The following NEGR1 variants were observed in gnomAD, a reference collection of about 807,000 sequenced individuals.
NEGR1 encodes neuronal growth regulator 1.
NEGR1 carries 10 observed loss-of-function variants against 40.9 expected under a neutral mutation model. The observed-to-expected ratio is 0.24, with a 90% CI of 0.15 to 0.42. The LOEUF (loss-of-function observed/expected upper bound fraction) is 0.42. NEGR1 is among the 10% of genes least tolerant of loss of function. The pLI, the probability that NEGR1 is intolerant of heterozygous loss-of-function variation, is 1.00. For missense variants in NEGR1, 352 were observed against 438.9 expected, an observed-to-expected ratio of 0.80 and a Z score of 1.77; for synonymous variants, 185 against 166.8, an observed-to-expected ratio of 1.11 and a Z score of -0.84.
rs927482949 is a variant in NEGR1, at chr1:71,988,468, A to G, written c.177-53157T>C. On this transcript the variant is annotated intron_variant, in intron 1 of 6. Transcript: ENST00000357731. ...GCAGGAGAATGGCGTGAACCCGGGA[A>G]GCGGAGCTTGCAGTGAGCCGAGATT... is the stretch of plus-strand genomic sequence containing the variant. Among the ~76,000 whole-genome samples the G allele has an allele frequency of 1.2e-3, 174 of 142,136 alleles. 1 individual carries two copies. The highest frequency in any genetic ancestry group is 3.4e-3 in the South Asian group (14 of 4,146). The allele number at this position is 142,136 out of a possible 152,430, so 93.2% of individuals were successfully genotyped here. A position where few individuals can be genotyped will look rare whatever the true frequency, so the allele number is the denominator to read the frequency against.
At chr1:71,720,884 T>C (rs1465242229) in intron 3 of NEGR1, among the ~76,000 whole-genome samples, 1 of 152,236 alleles carries the variant, frequency 6.6e-6, no homozygotes, top group South Asian at 2.1e-4. Context: ...CTACAGAAAA[T>C]CAACAGTTAA....
chr1:72,151,481 T>C (rs889506913), intron 1 of NEGR1, among the ~76,000 whole-genome samples: 25 of 151,604 alleles, frequency 1.6e-4, no homozygotes, highest in Admixed American at 1.6e-3. Flanking sequence ...AAATTATGTA[T>C]AGCGACACCC....
At chr1:72,072,244 C>T (rs1369909656) in intron 1 of NEGR1, among the ~76,000 whole-genome samples, 1 of 152,062 alleles carries the variant, frequency 6.6e-6, no homozygotes, top group African/African-American at 2.4e-5. Flanking sequence ...CTTTAAAATA[C>T]TGTGCTGTAA....
chr1:71,585,751 A>G (rs1649285709), intron 6 of NEGR1, among the ~76,000 whole-genome samples: 1 of 144,636 alleles, frequency 6.9e-6, no homozygotes, highest in Non-Finnish European at 1.5e-5. Context: ...GGCTGATTTA[A>G]TTAATAATTG....
chr1:71,442,545 C>T (rs969951201), intron 6 of NEGR1, among the ~76,000 whole-genome samples: 12 of 151,968 alleles, frequency 7.9e-5, no homozygotes, highest in Admixed American at 6.6e-4. Context: ...ACCTGGATGG[C>T]GGAAATTGCA....
intron 6 of NEGR1, among the ~76,000 whole-genome samples, chr1:71,536,194 C>T (rs1017766932): frequency 6.6e-6 from 1 of 151,618 alleles, no homozygotes; most frequent in Non-Finnish European, 1.5e-5. Flanking sequence ...CCAATTATAA[C>T]ATGGTGAATA....
intron 1 of NEGR1, among the ~76,000 whole-genome samples, chr1:72,197,428 T>G (rs1263715341): frequency 6.6e-6 from 1 of 152,022 alleles, no homozygotes; most frequent in Admixed American, 6.6e-5. Flanking sequence ...TTTGCAAAAA[T>G]AACTGTTTTA....
intron 6 of NEGR1, among the ~76,000 whole-genome samples, chr1:71,436,838 G>T (rs1221594167): frequency 6.6e-6 from 1 of 152,024 alleles, no homozygotes; most frequent in African/African-American, 2.4e-5. Flanking sequence ...ATTTTCTCTA[G>T]TTTATTGGAT....
At chr1:72,034,333 C>A (rs1646884384) in intron 1 of NEGR1, among the ~76,000 whole-genome samples, 1 of 152,072 alleles carries the variant, frequency 6.6e-6, no homozygotes, top group Admixed American at 6.5e-5. Flanking sequence ...GTGTGATCAC[C>A]CACTGTGGAA....
At chr1:71,778,325 T>C (rs944610905) in intron 2 of NEGR1, among the ~76,000 whole-genome samples, 77 of 152,190 alleles carry the variant, frequency 5.1e-4, no homozygotes, top group African/African-American at 1.8e-3. Context: ...AACAATTATG[T>C]TTTCATTTTC....
intron 2 of NEGR1, among the ~76,000 whole-genome samples, chr1:71,834,142 A>G (rs1363118944): frequency 6.6e-6 from 1 of 152,104 alleles, no homozygotes; most frequent in Non-Finnish European, 1.5e-5. Context: ...TGATACTGGT[A>G]TTTGATTCAT....
Position 71,878,928 on chromosome 1 carries a change from A to C in NEGR1, c.409+56151T>G, listed in dbSNP as rs1203177008. 2.0e-5 allele frequency among the ~76,000 whole-genome samples: 3 copies of C among 152,130 alleles called. No homozygotes were observed. The South Asian group carries it at 6.2e-4, about 31-fold the overall frequency. On this transcript the variant is annotated intron_variant, in intron 2 of 6. Transcript: ENST00000357731. ...ACAAAGCTGAAAGCTTAAAAATAGC[A>C]ACAAGGACCAGCCTGACCAACATAG... is the stretch of plus-strand genomic sequence containing the variant.
chr1:71,431,566 C>CATTCATT (rs1646469803), intron 6 of NEGR1, among the ~76,000 whole-genome samples: 3 of 119,076 alleles, frequency 2.5e-5, no homozygotes, highest in African/African-American at 7.9e-5. Flanking sequence ...ATCTGTTTAT[C>CATTCATT]CATTCATTCA....
At chr1:71,881,599 G>A (rs1192087435) in intron 2 of NEGR1, among the ~76,000 whole-genome samples, 1 of 152,120 alleles carries the variant, frequency 6.6e-6, no homozygotes, top group South Asian at 2.1e-4. Context: ...AGGTACATTT[G>A]CTCAATTTGT....
At chr1:71,686,317 C>T (rs1410029511) in intron 4 of NEGR1, among the ~76,000 whole-genome samples, 1 of 151,970 alleles carries the variant, frequency 6.6e-6, no homozygotes, top group Non-Finnish European at 1.5e-5. Flanking sequence ...GTTTGGTTCC[C>T]ACTCACCTAA....
At chr1:72,027,242 T>C (rs1281726073) in intron 1 of NEGR1, among the ~76,000 whole-genome samples, 1 of 152,118 alleles carries the variant, frequency 6.6e-6, no homozygotes, top group Non-Finnish European at 1.5e-5. Flanking sequence ...TCATGTTTTA[T>C]GTTCTCATTT....
intron 2 of NEGR1, among the ~76,000 whole-genome samples, chr1:71,899,022 T>G (rs1412006857): frequency 9.6e-6 from 1 of 104,648 alleles, no homozygotes; most frequent in African/African-American, 4.3e-5. Context: ...ATATGGCAAC[T>G]AATGTGTGTG....
chr1:71,641,751 A>T (rs1380119561), intron 4 of NEGR1, among the ~76,000 whole-genome samples: 2 of 152,032 alleles, frequency 1.3e-5, no homozygotes, highest in African/African-American at 4.8e-5. Context: ...CACAGACTTG[A>T]CAATTCATTT....
intron 2 of NEGR1, among the ~76,000 whole-genome samples, chr1:71,918,528 G>A (rs56773658): frequency 0.016 from 2,507 of 152,150 alleles, 82 homozygotes; most frequent in African/African-American, 0.057. Flanking sequence ...AACTTTGAGA[G>A]CAATTTTTTA....
Sources: allele counts gnomAD v4.1 joint callset (sites outside exome capture counted in the v4.1 genomes callset), GRCh38; gene constraint gnomAD v4.1.1; transcripts MANE v1.5; gene names NCBI Gene and HGNC (gene_info 2026-07-23, HGNC 2026-07-21).